Variants in LRRC37A3 observed in about 807,000 individuals in gnomAD.
The protein encoded by LRRC37A3 is leucine rich repeat containing 37 member A3.
In LRRC37A3, 25 loss-of-function variants were observed where a neutral mutation model predicts 106.2. That is an observed-to-expected ratio of 0.24 (90% confidence interval 0.17 to 0.33). The LOEUF is 0.33. LRRC37A3 is among the 10% of genes least tolerant of loss of function. The pLI is 1.00. For missense variants in LRRC37A3, 712 were observed against 1,644.9 expected (o/e 0.43, Z 9.81); for synonymous variants, 305 against 635.8 (o/e 0.48, Z 7.83).
chr17:64,872,287 A>T (rs1353041574), intron 8 of LRRC37A3, among the ~76,000 whole-genome samples: 3 of 151,798 alleles, frequency 2.0e-5, no homozygotes, highest in African/African-American at 7.2e-5. Flanking sequence ...TCTTGCAGCA[A>T]CCCAAGGAGC....
intron 8 of LRRC37A3, among the ~76,000 whole-genome samples, chr17:64,872,564 C>A (rs1006559365): frequency 7.9e-5 from 12 of 152,290 alleles, no homozygotes; most frequent in African/African-American, 2.9e-4. Flanking sequence ...AAAGCCTCTC[C>A]ACAGAGGGTG....
At chr17:64,861,398 T>A (rs1448845451) in intron 11 of LRRC37A3, among the ~76,000 whole-genome samples, 1 of 152,194 alleles carries the variant, frequency 6.6e-6, no homozygotes, top group Non-Finnish European at 1.5e-5. Context: ...TCGGTGCACC[T>A]GTGTTCTTGC....
rs965454277 is a variant in LRRC37A3 at position 64,918,989 on chromosome 17, C to G, written c.-616-119G>C. On this transcript the variant is annotated intron_variant, in intron 1 of 14. Transcript: ENST00000584306. ...GGCCAGGTGGCTGCCCCCGCCTCCC[C>G]CCGGCCGGGGCGCTGGTGCTGGGGT... 3.3e-6 allele frequency: 4 copies of G among 1,217,622 alleles called. No individual in the cohort carries two copies. In the African/African-American group the frequency reaches 4.7e-5, roughly 14 times the overall value. The allele number at this position is 1,217,622 out of a possible 1,614,324, so 75.4% of individuals were successfully genotyped here. A position where few individuals can be genotyped will look rare whatever the true frequency, so the allele number is the denominator to read the frequency against.
intron 10 of LRRC37A3, among the ~76,000 whole-genome samples, chr17:64,865,421 G>C (rs1973031228): frequency 1.3e-5 from 2 of 152,326 alleles, no homozygotes; most frequent in South Asian, 4.1e-4. Context: ...TGGGATTACA[G>C]GCATGAGCCC....
At chr17:64,866,629 T>TATATATATATATA (rs71236448) in intron 10 of LRRC37A3, among the ~76,000 whole-genome samples, 15 of 12,834 alleles carry the variant, frequency 1.2e-3, no homozygotes, top group Admixed American at 2.0e-3. Context: ...TATATATATA[T>TATATATATATATA]TTTTTTTTTT....
rs1411396745 is a variant in LRRC37A3 at position 64,883,580 on chromosome 17, CTT to C, written c.2906+2504_2906+2505del. On this transcript the variant is annotated intron_variant, in intron 8 of 14. Coordinates refer to ENST00000584306, the MANE Select transcript of LRRC37A3 (RefSeq NM_199340.5). The stretch of plus-strand genomic sequence containing the variant: ...CATCGATCAACCACAGCTGGGGCCT[CTT>C]TTTTTGTTTGTTTTTTATAAACTTG... Among the ~76,000 whole-genome samples the C allele has an allele frequency of 4.6e-5, 7 of 151,226 alleles. 1 individual carries two copies. In the South Asian group the frequency reaches 1.5e-3, roughly 32 times the overall value.
At chr17:64,870,046 G>GCTC (rs1567768549) in intron 8 of LRRC37A3, among the ~76,000 whole-genome samples, 1 of 150,006 alleles carries the variant, frequency 6.7e-6, no homozygotes, top group Non-Finnish European at 1.5e-5. Flanking sequence ...CACTTGTCAG[G>GCTC]CTCCTGGACT....
intron 2 of LRRC37A3, among the ~76,000 whole-genome samples, chr17:64,914,553 T>C (rs1598439048): frequency 6.6e-6 from 1 of 151,994 alleles, no homozygotes; most frequent in African/African-American, 2.4e-5. Context: ...AGCAAGATTT[T>C]GTCTTTAAAA....
chr17:64,915,614 T>G (rs1187670052), intron 2 of LRRC37A3, among the ~76,000 whole-genome samples: 1 of 152,248 alleles, frequency 6.6e-6, no homozygotes, highest in African/African-American at 2.4e-5. Context: ...AGCTGTTAGA[T>G]GAACACCAAA....
intron 8 of LRRC37A3, among the ~76,000 whole-genome samples, chr17:64,881,531 G>A (rs1323806090): frequency 7.7e-6 from 1 of 129,362 alleles, no homozygotes; most frequent in Non-Finnish European, 1.6e-5. Flanking sequence ...TACAGCATGA[G>A]ACACCATGCC....
At chr17:64,915,416 T>C (rs188995986) in intron 2 of LRRC37A3, among the ~76,000 whole-genome samples, 706 of 152,378 alleles carry the variant, frequency 4.6e-3, no homozygotes, top group Middle Eastern at 0.014. Context: ...TGATAATTTG[T>C]AAATTATGTG....
At chr17:64,918,065 CTAATA>C (rs1245034201) in intron 2 of LRRC37A3, among the ~76,000 whole-genome samples, 4 of 147,634 alleles carry the variant, frequency 2.7e-5, no homozygotes, top group Non-Finnish European at 5.9e-5. Flanking sequence ...ATAAGATCTA[CTAATA>C]TAATTCTATG....
Position 64,896,640 on chromosome 17 carries a change from A to G in LRRC37A3, c.618T>C (p.Pro206=). 6.5e-7 allele frequency: 1 copy of G among 1,549,958 alleles called. No individual in the cohort carries two copies. The highest frequency in any genetic ancestry group is 2.3e-5 in the East Asian group (1 of 44,308). The change falls in exon 4 of 15, where the codon CCT becomes CCC. Residue 206 remains proline, a synonymous_variant. Transcript: ENST00000584306. The part of the protein sequence containing the change: ...PPELRVKSDE[P]PGPSEQVGPS... ...GTCCAACTTGCTCAGAGGGCCCTGG[A>G]GGCTCATCTGACTTCACCCGGAGTT...
chr17:64,878,286 C>T, intron 8 of LRRC37A3, among the ~76,000 whole-genome samples: 1 of 152,126 alleles, frequency 6.6e-6, no homozygotes. Flanking sequence ...ACATTTTATA[C>T]ACACACATGA....
intron 2 of LRRC37A3, among the ~76,000 whole-genome samples, chr17:64,916,785 CAAA>C (rs1177693945): frequency 5.2e-5 from 5 of 96,806 alleles, no homozygotes; most frequent in East Asian, 3.0e-4. Flanking sequence ...GACTCTGTCT[CAAA>C]AAAAAAAAAA....
intron 2 of LRRC37A3, among the ~76,000 whole-genome samples, chr17:64,916,904 A>G (rs1161680118): frequency 6.6e-6 from 1 of 150,496 alleles, no homozygotes; most frequent in Non-Finnish European, 1.5e-5. Context: ...GGAAATTAAA[A>G]CCAGAAGAAG....
rs770362097 is a variant in LRRC37A3, at chr17:64,860,060, T to C, written c.4086A>G (p.Leu1362=). 2 of 1,613,970 alleles carry C rather than the reference T, an allele frequency of 1.2e-6. No individual in the cohort carries two copies. Among genetic ancestry groups the C allele is most frequent in the Non-Finnish European group, 1.7e-6 (2 of 1,179,876 alleles). ...NSPSQGAFSS[L]RDLSPQENPF... is the part of the protein sequence containing the mutation. ...GATTTTCTTGAGGACTCAGGTCTCT[T>C]AAGGATGAAAAAGCCCCTTGTGAAG... The change falls in exon 12 of 15, where the codon TTA becomes TTG. Residue 1362 remains leucine, a synonymous_variant. Transcript: ENST00000584306.
At chr17:64,873,771 T>C (rs1445932972) in intron 8 of LRRC37A3, among the ~76,000 whole-genome samples, 1 of 151,768 alleles carries the variant, frequency 6.6e-6, no homozygotes, top group African/African-American at 2.4e-5. Context: ...TGAATGAAAG[T>C]GAATGGAATC....
chr17:64,861,109 A>G (rs1972852772), intron 11 of LRRC37A3, 136 bp from the exon 12 acceptor site: 1 of 1,429,052 alleles, frequency 7.0e-7, no homozygotes, highest in African/African-American at 1.4e-5. Context: ...AGAAACACAC[A>G]CTCAATCCTA....
Sources: allele counts gnomAD v4.1 joint callset (sites outside exome capture counted in the v4.1 genomes callset), GRCh38; gene constraint gnomAD v4.1.1; transcripts MANE v1.5; gene names NCBI Gene and HGNC (gene_info 2026-07-23, HGNC 2026-07-21).